The following ABCB9 variants were observed in gnomAD, a reference collection of about 807,000 sequenced individuals.
ABCB9 encodes the protein ATP binding cassette subfamily B member 9, also known as ABC-type oligopeptide transporter ABCB9.
In ABCB9, 36 loss-of-function variants were observed where a neutral mutation model predicts 62.0. The ratio of observed to expected loss-of-function variants is 0.58; its 90% CI spans 0.45 to 0.77. The LOEUF is 0.77. ABCB9 is among the 30% of genes least tolerant of loss of function. ABCB9 has a pLI of 0.00. For synonymous variants in ABCB9, 435 were observed against 461.4 expected (o/e 0.94, Z 0.73); for missense variants, 943 against 1,054.7 (o/e 0.89, Z 1.47).
chr12:122,966,614 G>A (rs2037191071), upstream of ABCB9: 1 of 152,260 alleles, frequency 6.6e-6, no homozygotes, highest in East Asian at 1.9e-4. Context: ...GGCCCCCGAG[G>A]AGGGGGCTGG....
At chr12:122,972,432 C>A (rs1040901266) in intron 1 of ABCB9, among the ~76,000 whole-genome samples, 1 of 152,142 alleles carries the variant, frequency 6.6e-6, no homozygotes, top group African/African-American at 2.4e-5. Flanking sequence ...ATAACAGGGG[C>A]GCTTCTACGG....
At position 122,949,833 on chromosome 12, in the gene ABCB9, A is replaced by G; in HGVS notation, c.802T>C (p.Ser268Pro). ...AAGCTTGTCTCCTGGGACACCAGTG[A>G]GCGGAAGAGACAGTTTCGAAGGCGA... is the stretch of plus-strand genomic sequence containing the variant. ...NIRLRNCLFR[S>P]LVSQETSFFD... The change falls in exon 4 of 12, where the codon TCA becomes CCA. Residue 268 changes from serine to proline, a missense_variant. Transcript: ENST00000280560. The G allele has an allele frequency of 1.2e-6, 2 of 1,614,234 alleles. No individual in the cohort carries two copies. Among genetic ancestry groups the G allele is most frequent in the Non-Finnish European group, 8.5e-7 (1 of 1,180,016 alleles).
At position 122,930,219 on chromosome 12, in the gene ABCB9, C is replaced by A; in HGVS notation, c.2041-48G>T. The A allele has an allele frequency of 2.0e-6, 3 of 1,489,316 alleles. No individual in the cohort carries two copies. The highest frequency in any genetic ancestry group is 2.7e-6 in the Non-Finnish European group (3 of 1,108,386). The allele number at this position is 1,489,316 out of a possible 1,614,324, so 92.3% of individuals were successfully genotyped here. A position where few individuals can be genotyped will look rare whatever the true frequency, so the allele number is the denominator to read the frequency against. The stretch of plus-strand genomic sequence containing the variant: ...GCTTGCATGGCACGGACGCCCCACC[C>A]GCAACCGTGCTTCATGCCACGGCCT... On this transcript the variant is annotated intron_variant, in intron 11 of 11. Transcript: ENST00000280560. This position sits in a 1 kb window ranked among gnomAD's most constrained non-coding sequence, Gnocchi z 4.9.
chr12:122,937,821 A>T (rs538285061), intron 9 of ABCB9, among the ~76,000 whole-genome samples: 2 of 152,300 alleles, frequency 1.3e-5, no homozygotes, highest in African/African-American at 4.8e-5. Flanking sequence ...GTGCTCCCTT[A>T]ATAGTTTATA....
Position 122,944,621 on chromosome 12 carries a change from C to T in ABCB9, c.1252-102G>A, listed in dbSNP as rs2031005153. On this transcript the variant is annotated intron_variant, in intron 6 of 11. Transcript: ENST00000280560. The surrounding 1 kb of genome is among the most constrained non-coding windows in gnomAD (Gnocchi z 4.9). Reference sequence around the variant, plus strand: ...GGCTGCAGGGGGAGGTGAGGGCAGACCCAGCCACAAACTGAAATGCCGGCC... The same window carrying T: ...GGCTGCAGGGGGAGGTGAGGGCAGATCCAGCCACAAACTGAAATGCCGGCC... 11 of 1,500,732 alleles carry T rather than the reference C, an allele frequency of 7.3e-6. No homozygotes were observed. The highest frequency in any genetic ancestry group is 5.5e-5 in the African/African-American group (4 of 72,282). 93.0% of individuals were successfully genotyped at this position (1,500,732 alleles called of 1,614,324 possible).
intron 1 of ABCB9, among the ~76,000 whole-genome samples, chr12:122,974,135 C>T (rs1185245319): frequency 6.6e-6 from 1 of 152,206 alleles, no homozygotes; most frequent in African/African-American, 2.4e-5. Context: ...TGGGGTGCTG[C>T]ATGTGCCAGG....
chr12:122,929,847 G>A lies in ABCB9; in HGVS notation c.*64C>T, dbSNP rs796995534. 3.1e-5 allele frequency: 46 copies of A among 1,468,202 alleles called. No homozygotes were observed. The African/African-American group carries it at 4.7e-4, about 15-fold the overall frequency. The allele number at this position is 1,468,202 out of a possible 1,614,324, so 90.9% of individuals were successfully genotyped here. On this transcript the variant is annotated 3_prime_UTR_variant, in exon 12 of 12. Transcript: ENST00000280560. This position sits in a 1 kb window ranked among gnomAD's most constrained non-coding sequence, Gnocchi z 6.0. ...GCTCGGAGGGCAGCTGGGGGCCTCC[G>A]TGGGCACATCTGCCAGGCAGGCACC...
intron 1 of ABCB9, 68 bp from the exon 2 acceptor site, chr12:122,960,390 G>C: frequency 2.8e-6 from 3 of 1,059,540 alleles, no homozygotes; most frequent in Non-Finnish European, 4.0e-6. Flanking sequence ...GTGTGACCTT[G>C]AGAAAGTCAC....
At chr12:122,961,120 G>A (rs1163591456) in intron 1 of ABCB9, among the ~76,000 whole-genome samples, 1 of 151,976 alleles carries the variant, frequency 6.6e-6, no homozygotes, top group Non-Finnish European at 1.5e-5. Flanking sequence ...GGAAAAAAGA[G>A]GGGGGTAAAT....
intron 1 of ABCB9, among the ~76,000 whole-genome samples, chr12:122,973,969 C>T (rs2037334652): frequency 6.6e-6 from 1 of 152,226 alleles, no homozygotes; most frequent in African/African-American, 2.4e-5. Flanking sequence ...TGCTTGAATC[C>T]GGGAGGCAGA....
intron 2 of ABCB9, among the ~76,000 whole-genome samples, chr12:122,955,911 C>G (rs997816854): frequency 3.3e-5 from 5 of 152,058 alleles, no homozygotes; most frequent in African/African-American, 1.2e-4. Context: ...GGGGTTTTGC[C>G]ATATTGTCCA....
At chr12:122,928,959 G>A (rs1436974542), downstream of ABCB9, 3 of 974,298 alleles carry the variant, frequency 3.1e-6, no homozygotes, top group African/African-American at 3.5e-5. Flanking sequence ...CTAACTGGGC[G>A]ATGAGGCAGT....
Position 122,932,161 on chromosome 12 carries a change from C to A in ABCB9, c.2040+31G>T. 1 of 1,551,000 alleles carries A rather than the reference C, an allele frequency of 6.4e-7. No homozygotes were observed. Among genetic ancestry groups the A allele is most frequent in the Non-Finnish European group, 8.7e-7 (1 of 1,147,258 alleles). On this transcript the variant is annotated intron_variant, in intron 11 of 11. Coordinates refer to ENST00000280560, the MANE Select transcript of ABCB9 (RefSeq NM_019625.4). This position sits in a 1 kb window ranked among gnomAD's most constrained non-coding sequence, Gnocchi z 4.7. The stretch of plus-strand genomic sequence containing the variant: ...CTCTGGCCACCTGGAGCCGCTCCTG[C>A]CCCCGCATTGCCCACCACCCTGTGA...
chr12:122,942,632 A>AC (rs2035827979), intron 7 of ABCB9, among the ~76,000 whole-genome samples: 1 of 151,342 alleles, frequency 6.6e-6, no homozygotes, highest in Non-Finnish European at 1.5e-5. Context: ...AAAAAAAAAA[A>AC]AAAAAACCTA....
downstream of ABCB9, among the ~76,000 whole-genome samples, chr12:122,928,184 GGCTGGCCAGGC>G (rs1465831568): frequency 6.6e-6 from 1 of 152,054 alleles, no homozygotes; most frequent in Non-Finnish European, 1.5e-5. Context: ...AGAAAGACAA[GGCTGGCCAGGC>G]GCGGTGGCTC....
At position 122,940,994 on chromosome 12, in the gene ABCB9, G is replaced by A; in HGVS notation, c.1382C>T (p.Ser461Phe). The A allele has an allele frequency of 6.3e-7, 1 of 1,596,766 alleles. No homozygotes were observed. The highest frequency in any genetic ancestry group is 1.1e-5 in the South Asian group (1 of 89,694). Residue 461 changes from serine (S) to phenylalanine (F), a missense_variant and splice_region_variant, in exon 8 of 12, where the codon TCC becomes TTC. Physicochemically the swap from Ser to Phe is radical, Grantham distance 155 (BLOSUM62 -2). Coordinates refer to ENST00000280560, the MANE Select transcript of ABCB9 (RefSeq NM_019625.4). The surrounding 1 kb of genome is among the most constrained non-coding windows in gnomAD (Gnocchi z 4.8). ...YEFVLGDCME[S>F]VGSVYSGLMQ... ...CAGGCCACTGTAGACGGAGCCCACG[G>A]ACTGGGGAGAGGAGACACGCGTTCC... is the stretch of plus-strand genomic sequence containing the variant.
rs1459273190 is a variant in ABCB9 at position 122,960,072 on chromosome 12, A to G, written c.164T>C (p.Leu55Pro). The G allele has an allele frequency of 6.2e-7, 1 of 1,613,490 alleles. No homozygotes were observed. The highest frequency in any genetic ancestry group is 8.5e-7 in the Non-Finnish European group (1 of 1,180,034). The change falls in exon 2 of 12, where the codon CTG becomes CCG. Residue 55 changes from leucine to proline, a missense_variant. Physicochemically the swap from Leu to Pro is moderately conservative, Grantham distance 98. Coordinates refer to ENST00000280560, the MANE Select transcript of ABCB9 (RefSeq NM_019625.4). The part of the protein sequence containing the change: ...DSVLDLWAAC[L>P]YRSCLLLGAT... ...TCCCAGCAGCAGGCAGCTGCGGTAC[A>G]GGCAGGCTGCCCAGAGATCCAGCAC...
rs888321908 is a variant in ABCB9 at position 122,948,883 on chromosome 12, C to T, written c.848-54G>A. 2.4e-5 allele frequency: 26 copies of T among 1,091,926 alleles called. No individual in the cohort carries two copies. The Admixed American group carries it at 3.6e-4, about 15-fold the overall frequency. 67.6% of individuals were successfully genotyped at this position (1,091,926 alleles called of 1,614,324 possible). On this transcript the variant is annotated intron_variant, in intron 4 of 11. Transcript: ENST00000280560. ...ACAGCAACCCGGGCCTTGGGGGTGGCGGTGGGGGATGCTAAGGGGCCTCTG... is the reference window on the plus strand; with the variant it reads ...ACAGCAACCCGGGCCTTGGGGGTGGTGGTGGGGGATGCTAAGGGGCCTCTG...
chr12:122,944,464 A>C lies in ABCB9; in HGVS notation c.1307T>G (p.Ile436Ser), dbSNP rs1479123008. The C allele has an allele frequency of 1.2e-6, 2 of 1,614,046 alleles. No individual in the cohort carries two copies. Among genetic ancestry groups the C allele is most frequent in the Non-Finnish European group, 1.7e-6 (2 of 1,179,966 alleles). The change falls in exon 7 of 12, where the codon ATC becomes AGC. Residue 436 changes from isoleucine (I) to serine (S), a missense_variant. By Grantham distance (142) the Ile-to-Ser change is moderately radical (BLOSUM62 -2). Transcript: ENST00000280560. This position sits in a 1 kb window ranked among gnomAD's most constrained non-coding sequence, Gnocchi z 4.9. ...SILYYGGHLV[I>S]SGQMTSGNLI... ...GTTGCCGCTGGTCATCTGGCCTGAG[A>C]TGACAAGGTGGCCCCCGTAGTAGAG...
Sources: allele counts gnomAD v4.1 joint callset (sites outside exome capture counted in the v4.1 genomes callset), GRCh38; gene constraint gnomAD v4.1.1; non-coding constraint Gnocchi (gnomAD v3.1); transcripts MANE v1.5; gene names NCBI Gene and HGNC (gene_info 2026-07-23, HGNC 2026-07-21).